The following CDKL1 variants were observed in gnomAD, a reference collection of about 807,000 sequenced individuals.
CDKL1 encodes cyclin-dependent kinase-like 1.
In CDKL1, 41 loss-of-function variants were observed where a neutral mutation model predicts 42.0. The observed-to-expected ratio is 0.98, with a 90% CI of 0.76 to 1.27. CDKL1 has a LOEUF of 1.27. CDKL1 is among the 50% of genes most tolerant of loss of function. CDKL1 has a pLI of 0.00. For missense variants in CDKL1, 394 were observed against 428.4 expected (o/e 0.92, Z 0.71); for synonymous variants, 153 against 158.6 (o/e 0.96, Z 0.26).
At chr14:50,341,470 G>GGC (rs2033534106) in intron 5 of CDKL1, among the ~76,000 whole-genome samples, 4 of 133,824 alleles carry the variant, frequency 3.0e-5, no homozygotes, top group African/African-American at 1.2e-4. Context: ...GGGGGGGGGG[G>GGC]GGTTATTTGG....
chr14:50,330,992 T>C (rs953595793), intron 9 of CDKL1: 4 of 152,220 alleles, frequency 2.6e-5, no homozygotes, highest in Non-Finnish European at 4.4e-5. Flanking sequence ...CCCAGCACTT[T>C]GGGAGGCCAA....
chr14:50,338,920 G>A (rs991407023), intron 7 of CDKL1, 27 bp downstream of exon 7: 1 of 1,436,134 alleles, frequency 7.0e-7, no homozygotes, highest in Admixed American at 1.7e-5. Context: ...CTGGCCTACA[G>A]AGCTCTCTCC....
At chr14:50,359,679 T>C in intron 2 of CDKL1, among the ~76,000 whole-genome samples, 1 of 152,066 alleles carries the variant, frequency 6.6e-6, no homozygotes, top group Non-Finnish European at 1.5e-5. Context: ...TCAGGGTCTG[T>C]GTTCTTTTGT....
chr14:50,372,626 A>C (rs1054978518), intron 2 of CDKL1, among the ~76,000 whole-genome samples: 12 of 152,194 alleles, frequency 7.9e-5, no homozygotes, highest in Non-Finnish European at 1.6e-4. Flanking sequence ...TGCCCAGACC[A>C]ATGCTGTGTA....
chr14:50,377,176 G>A (rs974344329), intron 2 of CDKL1, among the ~76,000 whole-genome samples: 1 of 152,174 alleles, frequency 6.6e-6, no homozygotes, highest in Admixed American at 6.6e-5. Context: ...TTGTGCGCCT[G>A]TAGCCTGACA....
At chr14:50,393,904 G>A (rs1207144063) in intron 2 of CDKL1, among the ~76,000 whole-genome samples, 7 of 152,120 alleles carry the variant, frequency 4.6e-5, no homozygotes, top group Non-Finnish European at 1.0e-4. Context: ...ATCCACCTTT[G>A]TTAAGAGTTT....
At chr14:50,347,420 G>A (rs1241398372) in intron 3 of CDKL1, among the ~76,000 whole-genome samples, 1 of 152,174 alleles carries the variant, frequency 6.6e-6, no homozygotes, top group Admixed American at 6.5e-5. Flanking sequence ...GGCCCAGAAA[G>A]GTTCTCTGGT....
Position 50,328,939 on chromosome 14 carries a change from A to ATGTG in CDKL1, c.*1131_*1134dup, listed in dbSNP as rs1555337349. On this transcript the variant is annotated 3_prime_UTR_variant, in exon 10 of 10. Coordinates refer to ENST00000395834, the MANE Select transcript of CDKL1 (RefSeq NM_004196.7). ...ATATATAAAAAACACATATATATAT[A>ATGTG]TGTGTGTGTGTGTCATCATTTTAAG... The ATGTG allele has an allele frequency of 2.7e-5, 4 of 148,586 alleles. No individual in the cohort carries two copies. Among genetic ancestry groups the ATGTG allele is most frequent in the African/African-American group, 5.0e-5 (2 of 40,304 alleles). 9.2% of individuals were successfully genotyped at this position (148,586 alleles called of 1,614,324 possible). A position where few individuals can be genotyped will look rare whatever the true frequency, so the allele number is the denominator to read the frequency against.
chr14:50,368,436 A>T (rs187306528), intron 2 of CDKL1, among the ~76,000 whole-genome samples: 548 of 151,816 alleles, frequency 3.6e-3, no homozygotes, highest in Non-Finnish European at 6.5e-3. Flanking sequence ...TTTTATTTTT[A>T]AAATTTTTTT....
chr14:50,395,616 A>C, intron 2 of CDKL1, 85 bp downstream of exon 2: 1 of 885,024 alleles, frequency 1.1e-6, no homozygotes, highest in Non-Finnish European at 1.8e-6. Flanking sequence ...GCTGTGAGCT[A>C]TGATCACATG....
intron 7 of CDKL1, chr14:50,335,530 A>G: frequency 6.5e-7 from 1 of 1,536,140 alleles, no homozygotes; most frequent in Middle Eastern, 1.7e-4. Flanking sequence ...ATTTTGCGCC[A>G]GTCACGTGCT....
intron 2 of CDKL1, among the ~76,000 whole-genome samples, chr14:50,379,132 G>A (rs116992060): frequency 0.032 from 4,949 of 152,282 alleles, 96 homozygotes; most frequent in Non-Finnish European, 0.049. Context: ...GATTACAGGT[G>A]TGAGCCACAG....
chr14:50,385,737 G>A (rs1207337628), intron 2 of CDKL1, among the ~76,000 whole-genome samples: 2 of 150,406 alleles, frequency 1.3e-5, no homozygotes, highest in Non-Finnish European at 3.0e-5. Context: ...CCAAGGGGTG[G>A]AGGTTGCAGT....
chr14:50,336,073 C>T (rs1413870391), intron 7 of CDKL1: 11 of 1,366,176 alleles, frequency 8.1e-6, no homozygotes, highest in Non-Finnish European at 1.1e-5. Flanking sequence ...CGTGCCATTG[C>T]TATATCATCG....
intron 4 of CDKL1, among the ~76,000 whole-genome samples, chr14:50,344,672 A>G (rs554299957): frequency 6.6e-6 from 1 of 151,972 alleles, no homozygotes; most frequent in East Asian, 1.9e-4. Context: ...GGGTTTTGCC[A>G]TGTTGTCCAG....
intron 8 of CDKL1, 107 bp from the exon 9 acceptor site, chr14:50,332,539 G>A: frequency 6.7e-7 from 1 of 1,499,896 alleles, no homozygotes; most frequent in Non-Finnish European, 8.9e-7. Context: ...CAATAAGAAG[G>A]GGGAAAAGGC....
At chr14:50,357,254 G>A (rs998318494) in intron 3 of CDKL1, 1 of 152,130 alleles carries the variant, frequency 6.6e-6, no homozygotes, top group African/African-American at 2.4e-5. Flanking sequence ...TGAAAAGTCT[G>A]TGCTGTGGTC....
chr14:50,347,856 G>A (rs142875077), intron 3 of CDKL1, among the ~76,000 whole-genome samples: 1 of 152,278 alleles, frequency 6.6e-6, no homozygotes, highest in East Asian at 1.9e-4. Flanking sequence ...AGCAGAAAGA[G>A]GAAGGGGACC....
intron 4 of CDKL1, chr14:50,342,489 A>G: frequency 3.7e-6 from 4 of 1,094,296 alleles, no homozygotes; most frequent in Non-Finnish European, 4.6e-6. Context: ...AGAAAAATAC[A>G]GGACACCCAG....
Sources: gnomAD v4.1 joint callset for allele counts (sites outside exome capture counted in the v4.1 genomes callset) on GRCh38, gnomAD v4.1.1 for gene constraint, MANE v1.5 for transcripts, NCBI Gene and HGNC (gene_info 2026-07-23, HGNC 2026-07-21) for gene names.